Variants in ARL6IP6 observed in about 807,000 individuals in gnomAD.
The protein encoded by ARL6IP6 is ARF like GTPase 6 interacting protein 6.
In ARL6IP6, 22 loss-of-function variants were observed where a neutral mutation model predicts 21.5. The ratio of observed to expected loss-of-function variants is 1.02; its 90% confidence interval spans 0.73 to 1.46. The LOEUF is 1.46. ARL6IP6 is among the 40% of genes most tolerant of loss of function. The pLI is 0.00. For missense variants in ARL6IP6, 388 were observed against 299.8 expected (o/e 1.29, Z -2.17); for synonymous variants, 164 against 125.3 (o/e 1.31, Z -2.06).
At chr2:152,734,830 T>C (rs543542400) in intron 2 of ARL6IP6, among the ~76,000 whole-genome samples, 164 bp from the exon 3 acceptor site, 56 of 152,366 alleles carry the variant, frequency 3.7e-4, no homozygotes, top group Non-Finnish European at 4.1e-4. Context: ...TGTACACTTA[T>C]TTCTACATAA....
Position 152,720,529 on chromosome 2 carries a change from G to T in ARL6IP6, c.401-4G>T. On this transcript the variant is annotated splice_region_variant and splice_polypyrimidine_tract_variant and intron_variant, in intron 1 of 3. Coordinates refer to ENST00000326446, the MANE Select transcript of ARL6IP6 (RefSeq NM_152522.7). ...CCTACCTAAGTCCCTCTTTGTATTT[G>T]CAGAGTTGCATGCTGAGAATTTGAA... 6.2e-7 allele frequency: 1 copy of T among 1,613,348 alleles called. No individual in the cohort carries two copies. The highest frequency in any genetic ancestry group is 8.5e-7 in the Non-Finnish European group (1 of 1,179,354).
upstream of ARL6IP6, chr2:152,718,390 C>T (rs537703367): frequency 5.7e-4 from 277 of 488,758 alleles, 3 homozygotes; most frequent in African/African-American, 5.1e-3. Flanking sequence ...GCGCGCTTTC[C>T]TGCTCCCCTT....
Position 152,761,302 on chromosome 2 carries a change from T to C in ARL6IP6, c.*1462T>C, listed in dbSNP as rs940941451. The stretch of plus-strand genomic sequence containing the variant: ...ATCAATCCCATGGCTTAAGTATTCC[T>C]ACCAGAGTGGTGGTTGCCATCAGTC... On this transcript the variant is annotated 3_prime_UTR_variant, in exon 4 of 4. Coordinates refer to ENST00000326446, the MANE Select transcript of ARL6IP6 (RefSeq NM_152522.7). 6.6e-6 allele frequency: 1 copy of C among 152,172 alleles called. No homozygotes were observed. The highest frequency in any genetic ancestry group is 1.5e-5 in the Non-Finnish European group (1 of 68,024). The allele number at this position is 152,172 out of a possible 1,614,324, so 9.4% of individuals were successfully genotyped here. A position where few individuals can be genotyped will look rare whatever the true frequency, so the allele number is the denominator to read the frequency against.
At chr2:152,720,444 C>A in intron 1 of ARL6IP6, 89 bp from the exon 2 acceptor site, 3 of 1,318,040 alleles carry the variant, frequency 2.3e-6, no homozygotes, top group Non-Finnish European at 3.3e-6. Context: ...AGAGCACTTT[C>A]CACAGCTCCA....
upstream of ARL6IP6, chr2:152,718,617 T>C: frequency 6.6e-7 from 1 of 1,514,236 alleles, no homozygotes. Context: ...TTCGTTGTGT[T>C]TCGCGCCATG....
chr2:152,739,207 G>C (rs1032935296), intron 3 of ARL6IP6, among the ~76,000 whole-genome samples: 1 of 151,932 alleles, frequency 6.6e-6, no homozygotes, highest in Non-Finnish European at 1.5e-5. Context: ...GGATGGTCTC[G>C]ATCTCCTGAC....
chr2:152,726,397 G>A (rs1278279820), intron 2 of ARL6IP6, among the ~76,000 whole-genome samples: 1 of 152,170 alleles, frequency 6.6e-6, no homozygotes, highest in African/African-American at 2.4e-5. Flanking sequence ...TGCATTGGCA[G>A]GAGAGGAGAG....
At chr2:152,749,024 C>T (rs1292628575) in intron 3 of ARL6IP6, among the ~76,000 whole-genome samples, 2 of 152,054 alleles carry the variant, frequency 1.3e-5, no homozygotes, top group Non-Finnish European at 2.9e-5. Flanking sequence ...TTAATTTATG[C>T]TTCAAAATAT....
At chr2:152,717,657 G>A (rs1699179648), upstream of ARL6IP6, 15 of 1,424,526 alleles carry the variant, frequency 1.1e-5, no homozygotes, top group South Asian at 1.5e-5. Context: ...GGAGGACGGA[G>A]GAAGTTTCTG....
chr2:152,753,831 G>A (rs1701451520), intron 3 of ARL6IP6, among the ~76,000 whole-genome samples: 2 of 151,634 alleles, frequency 1.3e-5, no homozygotes, highest in South Asian at 4.2e-4. Context: ...CGAGTAGCTG[G>A]CACTACAGGC....
chr2:152,738,657 G>C (rs950556292), intron 3 of ARL6IP6, among the ~76,000 whole-genome samples: 1 of 152,148 alleles, frequency 6.6e-6, no homozygotes, highest in Non-Finnish European at 1.5e-5. Flanking sequence ...CTGGGACACA[G>C]GGTACCAAGT....
intron 2 of ARL6IP6, among the ~76,000 whole-genome samples, chr2:152,731,440 T>G (rs978475730): frequency 6.6e-6 from 1 of 152,212 alleles, no homozygotes; most frequent in Non-Finnish European, 1.5e-5. Context: ...AGTCAGGAAA[T>G]TTGATAATTC....
Position 152,760,901 on chromosome 2 carries a change from G to A in ARL6IP6, c.*1061G>A, listed in dbSNP as rs1701814726. 6.6e-6 allele frequency: 1 copy of A among 151,630 alleles called. No individual in the cohort carries two copies. The highest frequency in any genetic ancestry group is 2.4e-5 in the African/African-American group (1 of 41,272). 9.4% of individuals were successfully genotyped at this position (151,630 alleles called of 1,614,324 possible). ...AATTTTATAATTTTTGTAATTAAAT[G>A]TGCTCCTGTAATTGTGATATTTTGT... On this transcript the variant is annotated 3_prime_UTR_variant, in exon 4 of 4. Transcript: ENST00000326446.
chr2:152,755,115 A>G (rs892301738), intron 3 of ARL6IP6, among the ~76,000 whole-genome samples: 6 of 152,228 alleles, frequency 3.9e-5, no homozygotes, highest in African/African-American at 7.2e-5. Flanking sequence ...CTGAGGGGAC[A>G]TAGTGAGAAG....
At chr2:152,722,689 G>A (rs1207746652) in intron 2 of ARL6IP6, among the ~76,000 whole-genome samples, 1 of 152,148 alleles carries the variant, frequency 6.6e-6, no homozygotes. Context: ...GATCACTTGA[G>A]GTCAGGAGTT....
chr2:152,752,585 G>A (rs1193182692), intron 3 of ARL6IP6, among the ~76,000 whole-genome samples: 3 of 152,198 alleles, frequency 2.0e-5, no homozygotes, highest in African/African-American at 4.8e-5. Flanking sequence ...CCGAGCAAGC[G>A]GCTCAAGGGC....
At chr2:152,729,608 G>A (rs1181031308) in intron 2 of ARL6IP6, among the ~76,000 whole-genome samples, 2 of 152,072 alleles carry the variant, frequency 1.3e-5, no homozygotes, top group Non-Finnish European at 2.9e-5. Context: ...GTGGCTGTGG[G>A]TGCTGATAGG....
At chr2:152,740,662 C>CAT (rs545526805) in intron 3 of ARL6IP6, among the ~76,000 whole-genome samples, 228 of 151,452 alleles carry the variant, frequency 1.5e-3, no homozygotes, top group Non-Finnish European at 1.9e-3. Context: ...CAAAATAATG[C>CAT]ATATATATAT....
chr2:152,736,621 T>A (rs1460102278), intron 3 of ARL6IP6, among the ~76,000 whole-genome samples: 1 of 152,228 alleles, frequency 6.6e-6, no homozygotes, highest in Admixed American at 6.5e-5. Context: ...CTTGGCCTTC[T>A]GTCCTCTAAG....
Sources: allele counts gnomAD v4.1 joint callset (sites outside exome capture counted in the v4.1 genomes callset), GRCh38; gene constraint gnomAD v4.1.1; transcripts MANE v1.5; gene names NCBI Gene and HGNC (gene_info 2026-07-23, HGNC 2026-07-21).